The following AGBL1 variants were observed in gnomAD, a reference collection of about 807,000 sequenced individuals.
The protein encoded by AGBL1 is AGBL carboxypeptidase 1.
Under a neutral mutation model 118.9 loss-of-function variants are expected in AGBL1, and 130 were observed. The observed-to-expected ratio is 1.09, with a 90% CI of 0.95 to 1.26. The LOEUF (loss-of-function observed/expected upper bound fraction) is 1.26. AGBL1 is among the 50% of genes most tolerant of loss of function. AGBL1 has a pLI of 0.00. For missense variants in AGBL1, 1,584 were observed against 1,298.1 expected, an observed-to-expected ratio of 1.22 and a Z score of -3.38; for synonymous variants, 555 against 478.9, an observed-to-expected ratio of 1.16 and a Z score of -2.08.
At chr15:86,886,181 C>T (rs2079968381) in intron 22 of AGBL1, among the ~76,000 whole-genome samples, 1 of 152,156 alleles carries the variant, frequency 6.6e-6, no homozygotes, top group Non-Finnish European at 1.5e-5. Context: ...CAAAATAAAA[C>T]ACAAAGATAG....
intron 22 of AGBL1, among the ~76,000 whole-genome samples, chr15:86,904,378 G>A (rs1445889154): frequency 3.3e-5 from 5 of 150,460 alleles, no homozygotes; most frequent in African/African-American, 1.2e-4. Context: ...TAATATTGAA[G>A]GAAATTAGGA....
intron 5 of AGBL1, among the ~76,000 whole-genome samples, chr15:86,185,781 A>C (rs147965308): frequency 0.011 from 1,731 of 151,954 alleles, 41 homozygotes; most frequent in African/African-American, 0.04. Context: ...GGGGAGGGAT[A>C]GCATTAGGAG....
chr15:86,992,097 G>A (rs993483222), intron 24 of AGBL1, among the ~76,000 whole-genome samples: 3 of 152,048 alleles, frequency 2.0e-5, no homozygotes, highest in Non-Finnish European at 4.4e-5. Flanking sequence ...AGGCCTCAAG[G>A]AGCTTCTACT....
chr15:86,154,419 T>C lies in AGBL1; in HGVS notation c.263-11T>C. The C allele has an allele frequency of 1.2e-6, 2 of 1,610,422 alleles. No homozygotes were observed. The highest frequency in any genetic ancestry group is 1.7e-6 in the Non-Finnish European group (2 of 1,178,288). On this transcript the variant is annotated splice_polypyrimidine_tract_variant and intron_variant, in intron 3 of 22. Transcript: ENST00000614907. ...GAAGTGCAACTAAGATAGATTGATT[T>C]GTGTTCTTAGATAAAAAGATTGGAC... is the stretch of plus-strand genomic sequence containing the variant.
chr15:86,247,977 T>G, intron 7 of AGBL1, 98 bp downstream of exon 7: 2 of 1,426,650 alleles, frequency 1.4e-6, no homozygotes, highest in Non-Finnish European at 2.0e-6. Context: ...TGGGAACGCC[T>G]CAGTCTATTT....
chr15:86,588,102 GCA>G (rs1223728542), intron 21 of AGBL1, among the ~76,000 whole-genome samples: 1 of 152,126 alleles, frequency 6.6e-6, no homozygotes, highest in Non-Finnish European at 1.5e-5. Flanking sequence ...ATGTTTAATT[GCA>G]CAGTTAGAAA....
In AGBL1 at chr15:86,868,101, T is replaced by TCAGG. The variant is rs1299240739; in HGVS notation, c.3159-38985_3159-38982dup. Among the ~76,000 whole-genome samples the TCAGG allele has an allele frequency of 9.9e-5, 15 of 152,126 alleles. 2 individuals carry two copies. Among genetic ancestry groups the TCAGG allele is most frequent in the Admixed American group, 9.8e-4 (15 of 15,264 alleles). ...TGTGGCTAATCCGGTCTGTGAGAGGTCAGGATGTAACATCAGATGAAGTTG... is the reference window on the plus strand; with the variant it reads ...TGTGGCTAATCCGGTCTGTGAGAGGTCAGGCAGGATGTAACATCAGATGAAGTTG... On this transcript the variant is annotated intron_variant, in intron 22 of 22. Transcript: ENST00000614907.
Position 86,704,934 on chromosome 15 carries a change from A to G in AGBL1, c.3158+30498A>G, listed in dbSNP as rs181688257. Among the ~76,000 whole-genome samples the G allele has an allele frequency of 1.7e-3, 261 of 150,744 alleles. 2 individuals carry two copies. In the East Asian group the frequency reaches 0.022, roughly 12 times the overall value. On this transcript the variant is annotated intron_variant, in intron 22 of 22. Transcript: ENST00000614907. Reference sequence around the variant, plus strand: ...AAAGAAAATGTGGCACATATACACCATGGAATACTATGCAGCCATAAAAAG... The same window carrying G: ...AAAGAAAATGTGGCACATATACACCGTGGAATACTATGCAGCCATAAAAAG...
intron 6 of AGBL1, among the ~76,000 whole-genome samples, chr15:86,237,364 G>C (rs2078569065): frequency 6.6e-6 from 1 of 152,166 alleles, no homozygotes; most frequent in African/African-American, 2.4e-5. Context: ...GGGCAGAATT[G>C]CTTTCCTGCT....
chr15:86,624,978 C>T (rs1010225186), intron 21 of AGBL1, among the ~76,000 whole-genome samples: 4 of 152,096 alleles, frequency 2.6e-5, no homozygotes, highest in East Asian at 1.9e-4. Flanking sequence ...CTTGGTCTAA[C>T]GGAGGGGATC....
chr15:86,228,343 C>T (rs1408527728), intron 6 of AGBL1, among the ~76,000 whole-genome samples: 1 of 152,192 alleles, frequency 6.6e-6, no homozygotes, highest in Non-Finnish European at 1.5e-5. Context: ...CCTAAAGGCA[C>T]ACTCCTTTTA....
chr15:86,534,570 C>G (rs1324136984), intron 19 of AGBL1, among the ~76,000 whole-genome samples: 2 of 152,144 alleles, frequency 1.3e-5, no homozygotes, highest in African/African-American at 2.4e-5. Flanking sequence ...ACTCCATTCC[C>G]ATTTTCTTTA....
chr15:86,796,092 C>T (rs961816341), intron 22 of AGBL1, among the ~76,000 whole-genome samples: 1 of 152,044 alleles, frequency 6.6e-6, no homozygotes, highest in Non-Finnish European at 1.5e-5. Context: ...ACAATTATCA[C>T]CAAGTTAAAA....
At chr15:86,830,799 A>G (rs1433813465) in intron 22 of AGBL1, among the ~76,000 whole-genome samples, 2 of 152,108 alleles carry the variant, frequency 1.3e-5, no homozygotes, top group African/African-American at 4.8e-5. Context: ...CTTTTTTGTC[A>G]GCAAGGACTC....
chr15:86,457,479 A>T (rs980479226), intron 18 of AGBL1, among the ~76,000 whole-genome samples: 1 of 152,194 alleles, frequency 6.6e-6, no homozygotes, highest in Admixed American at 6.5e-5. Flanking sequence ...AGAATACTTG[A>T]CATTAAGAGT....
intron 22 of AGBL1, among the ~76,000 whole-genome samples, chr15:86,781,317 A>G (rs1412368520): frequency 2.0e-5 from 3 of 152,004 alleles, no homozygotes; most frequent in African/African-American, 7.2e-5. Flanking sequence ...AATCAATTTT[A>G]TTTATTCTCA....
At chr15:86,238,267 T>C (rs1197790946) in intron 6 of AGBL1, among the ~76,000 whole-genome samples, 1 of 152,250 alleles carries the variant, frequency 6.6e-6, no homozygotes, top group Non-Finnish European at 1.5e-5. Context: ...TGAGGCTTTC[T>C]CTATTTCATT....
intron 3 of AGBL1, among the ~76,000 whole-genome samples, chr15:86,153,945 T>C (rs958993532): frequency 4.6e-5 from 7 of 152,196 alleles, no homozygotes; most frequent in African/African-American, 1.7e-4. Context: ...ATTACAAACC[T>C]AATAAAATTA....
At chr15:86,291,594 T>C (rs1335339330) in intron 16 of AGBL1, among the ~76,000 whole-genome samples, 1 of 152,002 alleles carries the variant, frequency 6.6e-6, no homozygotes, top group Non-Finnish European at 1.5e-5. Flanking sequence ...TTAGTGAGAG[T>C]CTGGACTCCC....
Sources: allele counts gnomAD v4.1 joint callset (sites outside exome capture counted in the v4.1 genomes callset), GRCh38; gene constraint gnomAD v4.1.1; transcripts MANE v1.5; gene names NCBI Gene and HGNC (gene_info 2026-07-23, HGNC 2026-07-21).